PPM1G: variants seen among roughly 807,000 people sequenced by gnomAD.
PPM1G encodes protein phosphatase 1G.
Under a neutral mutation model 59.4 loss-of-function variants are expected in PPM1G, and 12 were observed. The observed-to-expected ratio is 0.20, with a 90% CI of 0.13 to 0.33. The LOEUF (loss-of-function observed/expected upper bound fraction) is 0.33, where lower values mean the gene tolerates loss of function less well. PPM1G is among the 10% of genes least tolerant of loss of function. The pLI is 1.00. For synonymous variants in PPM1G, 245 were observed against 251.9 expected, an observed-to-expected ratio of 0.97 and a Z score of 0.26; for missense variants, 392 against 681.3, an observed-to-expected ratio of 0.58 and a Z score of 4.73.
At chr2:27,407,102 A>G (rs985902730) in intron 1 of PPM1G, among the ~76,000 whole-genome samples, 52 of 151,598 alleles carry the variant, frequency 3.4e-4, no homozygotes, top group Non-Finnish European at 2.8e-4. Context: ...AGTAGCTATG[A>G]TTATAGGCAC....
At chr2:27,400,059 C>T (rs1558321288) in intron 1 of PPM1G, among the ~76,000 whole-genome samples, 2 of 150,738 alleles carry the variant, frequency 1.3e-5, no homozygotes, top group African/African-American at 2.4e-5. Context: ...TAAAAAAGAA[C>T]GAAACACTGA....
chr2:27,388,612 A>G lies in PPM1G; in HGVS notation c.121-1454T>C, dbSNP rs1254086409. Among the ~76,000 whole-genome samples, 6 of 151,876 alleles carry G rather than the reference A, an allele frequency of 4.0e-5. 1 individual carries two copies. The highest frequency in any genetic ancestry group is 1.3e-4 in the Admixed American group (2 of 15,208). ...CATGTGAGGACGGCCACAGTGGCTC[A>G]CTCCTGTAATCCCAGCACTTTGGGA... On this transcript the variant is annotated intron_variant, in intron 1 of 9. Coordinates refer to ENST00000344034, the MANE Select transcript of PPM1G (RefSeq NM_177983.3).
At chr2:27,386,135 G>A in intron 3 of PPM1G, 59 bp downstream of exon 3, 2 of 1,479,342 alleles carry the variant, frequency 1.4e-6, no homozygotes, top group Non-Finnish European at 1.9e-6. Flanking sequence ...AAGCCCAAGG[G>A]CTAGAGAACA....
chr2:27,382,188 A>T lies in PPM1G; in HGVS notation c.1372T>A (p.Ser458Thr). ...TTTTCATCACGCTGGCTGATCTTTGATTGAATGAAATCTACAACTTCCTGG... is the reference window on the plus strand; with the variant it reads ...TTTTCATCACGCTGGCTGATCTTTGTTTGAATGAAATCTACAACTTCCTGG... ...SSQEVVDFIQ[S>T]KISQRDENGE... Residue 458 changes from serine to threonine, a missense_variant, in exon 9 of 10, where the codon TCA (serine) becomes ACA (threonine). By Grantham distance (58) the Ser-to-Thr change is moderately conservative. Around this residue, in one of 6 missense-constraint regions of PPM1G, gnomAD observed 29 missense variants for 38.9 expected, o/e 0.75. Transcript: ENST00000344034. This position sits in a 1 kb window ranked among gnomAD's most constrained non-coding sequence, Gnocchi z 4.2. 1.2e-6 allele frequency: 2 copies of T among 1,614,222 alleles called. No individual in the cohort carries two copies. The highest frequency in any genetic ancestry group is 1.7e-6 in the Non-Finnish European group (2 of 1,180,034).
Position 27,382,829 on chromosome 2 carries a change from G to GGT in PPM1G, c.1202-225_1202-224insAC, listed in dbSNP as rs1553312804. Among the ~76,000 whole-genome samples, 1 of 140,614 alleles carries GGT rather than the reference G, an allele frequency of 7.1e-6. No homozygotes were observed. The highest frequency in any genetic ancestry group is 1.5e-5 in the Non-Finnish European group (1 of 65,210). 92.2% of individuals were successfully genotyped at this position (140,614 alleles called of 152,430 possible). On this transcript the variant is annotated intron_variant, in intron 7 of 9. Transcript: ENST00000344034. The surrounding 1 kb of genome is among the most constrained non-coding windows in gnomAD (Gnocchi z 4.2). ...GGTCTTTTTATTTTAAGTCTTTTTT[G>GGT]TTTTTTTTTTTTTGAGACGGAGTTT...
Position 27,382,704 on chromosome 2 carries a change from G to A in PPM1G, c.1202-99C>T. The A allele has an allele frequency of 6.8e-7, 1 of 1,479,826 alleles. No individual in the cohort carries two copies. The highest frequency in any genetic ancestry group is 1.2e-5 in the South Asian group (1 of 80,796). 91.7% of individuals were successfully genotyped at this position (1,479,826 alleles called of 1,614,324 possible). ...GCCATTCATTTCCCTTCTTTACAAA[G>A]TTCCATAATCTAGTGGAATGGGGAA... On this transcript the variant is annotated intron_variant, in intron 7 of 9. Transcript: ENST00000344034. This position sits in a 1 kb window ranked among gnomAD's most constrained non-coding sequence, Gnocchi z 4.2.
At chr2:27,407,500 C>T (rs1285202888) in intron 1 of PPM1G, among the ~76,000 whole-genome samples, 2 of 152,120 alleles carry the variant, frequency 1.3e-5, no homozygotes, top group African/African-American at 2.4e-5. Context: ...CTCCTGAGCT[C>T]AGGTGATCTG....
At chr2:27,392,563 G>C (rs1045590514) in intron 1 of PPM1G, among the ~76,000 whole-genome samples, 2 of 133,972 alleles carry the variant, frequency 1.5e-5, no homozygotes, top group Admixed American at 1.7e-4. Context: ...CCAAAGTGCT[G>C]AGATTTAGGC....
rs745642268 is a variant in PPM1G at position 27,382,087 on chromosome 2, G to A, written c.1434+39C>T. The A allele has an allele frequency of 1.6e-5, 25 of 1,573,116 alleles. No individual in the cohort carries two copies. The highest frequency in any genetic ancestry group is 2.0e-5 in the Non-Finnish European group (23 of 1,143,390). On this transcript the variant is annotated intron_variant, in intron 9 of 9. Coordinates refer to ENST00000344034, the MANE Select transcript of PPM1G (RefSeq NM_177983.3). This position sits in a 1 kb window ranked among gnomAD's most constrained non-coding sequence, Gnocchi z 4.2. ...GATTAAAAGAGTGAACCCTGGCTGT[G>A]CAGACCAGACACCCTCTCTTCTCCA... is the stretch of plus-strand genomic sequence containing the variant.
intron 1 of PPM1G, chr2:27,392,985 T>A (rs990206824): frequency 6.6e-7 from 1 of 1,516,934 alleles, no homozygotes; most frequent in Non-Finnish European, 9.0e-7. Context: ...GTTTGTGCAG[T>A]TCCAGTAGTG....
chr2:27,386,611 G>GTGGCA (rs2148419217), intron 2 of PPM1G: 1 of 195,770 alleles, frequency 5.1e-6, no homozygotes, highest in Non-Finnish European at 1.1e-5. Flanking sequence ...CTGGAGTGCA[G>GTGGCA]TGGCATGGTC....
rs1487603839 is a variant in PPM1G at position 27,385,761 on chromosome 2, GCTA to G, written c.392_394del (p.Val131del). 8.1e-6 allele frequency: 13 copies of G among 1,612,880 alleles called. No individual in the cohort carries two copies. Among genetic ancestry groups the G allele is most frequent in the African/African-American group, 2.7e-5 (2 of 74,838 alleles). ...GCCACACTCACCATCATCTTCATCA[GCTA>G]CTTTTTCTTTTTCATCTTCATCCTC... is the stretch of plus-strand genomic sequence containing the variant. On this transcript the variant is annotated inframe_deletion, in exon 4 of 10. Coordinates refer to ENST00000344034, the MANE Select transcript of PPM1G (RefSeq NM_177983.3). The surrounding 1 kb of genome is among the most constrained non-coding windows in gnomAD (Gnocchi z 4.1).
chr2:27,384,077 C>G lies in PPM1G; in HGVS notation c.841G>C (p.Glu281Gln), dbSNP rs775256762. The G allele has an allele frequency of 1.7e-5, 28 of 1,614,112 alleles. No homozygotes were observed. In the Admixed American group the frequency reaches 4.2e-4, roughly 24 times the overall value. Residue 281 changes from glutamate (E) to glutamine (Q), a missense_variant, in exon 6 of 10, where the codon GAG (glutamate) becomes CAG (glutamine). Around this residue, in one of 6 missense-constraint regions of PPM1G, gnomAD observed 188 missense variants for 248.8 expected, o/e 0.76. Coordinates refer to ENST00000344034, the MANE Select transcript of PPM1G (RefSeq NM_177983.3). The surrounding 1 kb of genome is among the most constrained non-coding windows in gnomAD (Gnocchi z 4.8). ...EEDSEECSEE[E>Q]DGYSSEEAEN... is the part of the protein sequence containing the mutation. ...GCCTCCTCACTGCTGTAGCCATCCT[C>G]TTCCTCGCTGCATTCCTGCCAGGGG...
chr2:27,399,711 G>C (rs934812190), intron 1 of PPM1G, among the ~76,000 whole-genome samples: 1 of 152,142 alleles, frequency 6.6e-6, no homozygotes, highest in Non-Finnish European at 1.5e-5. Context: ...CCCACCATTA[G>C]TTATTATAAA....
In PPM1G at chr2:27,383,969, T is replaced by C. The variant is rs1307533651; in HGVS notation, c.949A>G (p.Met317Val). ...EEEEEMMVPGMEGKEEPGSDS... is the reference protein window; with the variant it reads ...EEEEEMMVPGVEGKEEPGSDS... ...CCACACACCTCCTCTTTGCCTTCCATCCCTGGCACCATCATCTCTTCTTCT... is the reference window on the plus strand; with the variant it reads ...CCACACACCTCCTCTTTGCCTTCCACCCCTGGCACCATCATCTCTTCTTCT... The change falls in exon 6 of 10, where the codon ATG (methionine) becomes GTG (valine). Residue 317 changes from methionine to valine, a missense_variant. Around this residue, in one of 6 missense-constraint regions of PPM1G, gnomAD observed 188 missense variants for 248.8 expected, o/e 0.76. Coordinates refer to ENST00000344034, the MANE Select transcript of PPM1G (RefSeq NM_177983.3). This position sits in a 1 kb window ranked among gnomAD's most constrained non-coding sequence, Gnocchi z 5.0. 2 of 1,554,366 alleles carry C rather than the reference T, an allele frequency of 1.3e-6. No individual in the cohort carries two copies. The highest frequency in any genetic ancestry group is 4.9e-5 in the East Asian group (2 of 41,176).
rs2148417749 is a variant in PPM1G, at chr2:27,383,716, A to C, written c.967-116T>G. 8 of 1,197,090 alleles carry C rather than the reference A, an allele frequency of 6.7e-6. No homozygotes were observed. The highest frequency in any genetic ancestry group is 9.3e-6 in the Non-Finnish European group (8 of 859,102). 74.2% of individuals were successfully genotyped at this position (1,197,090 alleles called of 1,614,324 possible). A position where few individuals can be genotyped will look rare whatever the true frequency, so the allele number is the denominator to read the frequency against. On this transcript the variant is annotated intron_variant, in intron 6 of 9. Transcript: ENST00000344034. This position sits in a 1 kb window ranked among gnomAD's most constrained non-coding sequence, Gnocchi z 5.0. Reference sequence around the variant, plus strand: ...CTGGGACCCCCAAAAGAGCTTTAACAAACAGGAGAAGCACACATTTCATCT... The same window carrying C: ...CTGGGACCCCCAAAAGAGCTTTAACCAACAGGAGAAGCACACATTTCATCT...
At position 27,381,606 on chromosome 2, in the gene PPM1G, C is replaced by T; in HGVS notation, c.1634G>A (p.Arg545Gln). 2 of 1,614,106 alleles carry T rather than the reference C, an allele frequency of 1.2e-6. No homozygotes were observed. The highest frequency in any genetic ancestry group is 2.2e-5 in the East Asian group (1 of 44,854). ...GNSDKKKKAKRD is the reference protein window; with the variant it reads ...GNSDKKKKAKQD ...CAGGGGTCTGGATGACTGCTAGTCT[C>T]GCTTGGCCTTCTTCTTCTTGTCGCT... Residue 545 changes from arginine (R) to glutamine (Q), a missense_variant, in exon 10 of 10, where the codon CGA becomes CAA. Arg to Gln is a conservative substitution (Grantham distance 43). Transcript: ENST00000344034.
At chr2:27,387,631 G>T (rs538762548) in intron 1 of PPM1G, among the ~76,000 whole-genome samples, 69 of 152,132 alleles carry the variant, frequency 4.5e-4, no homozygotes, top group Non-Finnish European at 2.1e-4. Flanking sequence ...CTGCTGAATA[G>T]CTGAGATTAC....
chr2:27,385,413 ATTTAGGC>A lies in PPM1G; in HGVS notation c.409+327_410-326del. 2.4e-6 allele frequency: 1 copy of A among 424,430 alleles called. No individual in the cohort carries two copies. The highest frequency in any genetic ancestry group is 4.2e-6 in the Non-Finnish European group (1 of 240,718). 26.3% of individuals were successfully genotyped at this position (424,430 alleles called of 1,614,324 possible). ...GCCCACAATGCTACTGTGAATTAGG[ATTTAGGC>A]TTAATGATTGGCTATTGGGGCTAAT... On this transcript the variant is annotated intron_variant, in intron 4 of 9. Coordinates refer to ENST00000344034, the MANE Select transcript of PPM1G (RefSeq NM_177983.3). This position sits in a 1 kb window ranked among gnomAD's most constrained non-coding sequence, Gnocchi z 4.1.
Sources: allele counts gnomAD v4.1 joint callset (sites outside exome capture counted in the v4.1 genomes callset), GRCh38; gene constraint gnomAD v4.1.1; regional missense constraint gnomAD v4.1.1; non-coding constraint Gnocchi (gnomAD v3.1); transcripts MANE v1.5; gene names NCBI Gene and HGNC (gene_info 2026-07-23, HGNC 2026-07-21).